B3GALNT2: variants seen among roughly 807,000 people sequenced by gnomAD.
B3GALNT2 encodes the protein beta-1,3-N-acetylgalactosaminyltransferase 2, also known as UDP-GalNAc:beta-1,3-N-acetylgalactosaminyltransferase 2.
Under a neutral mutation model 61.1 loss-of-function variants are expected in B3GALNT2, and 53 were observed. That is an observed-to-expected ratio of 0.87 (90% CI 0.70 to 1.09). The LOEUF is 1.09. Ranked by LOEUF, B3GALNT2 falls within the 50% of genes least tolerant of loss-of-function variation. The pLI is 0.00. For synonymous variants in B3GALNT2, 223 were observed against 237.4 expected, an observed-to-expected ratio of 0.94 and a Z score of 0.56; for missense variants, 544 against 623.0, an observed-to-expected ratio of 0.87 and a Z score of 1.35.
intron 1 of B3GALNT2, among the ~76,000 whole-genome samples, chr1:235,502,233 G>C (rs765666020): frequency 2.6e-5 from 4 of 152,152 alleles, no homozygotes; most frequent in Non-Finnish European, 4.4e-5. Context: ...GGCTGGTCTT[G>C]AACTCCTGAC....
At chr1:235,446,544 AAC>A (rs1682324019), downstream of B3GALNT2, among the ~76,000 whole-genome samples, 1 of 152,240 alleles carries the variant, frequency 6.6e-6, no homozygotes, top group Admixed American at 6.5e-5. Flanking sequence ...TCAAATTTTT[AAC>A]ACTGGTCATA....
chr1:235,488,796 G>C (rs986975247), intron 3 of B3GALNT2, among the ~76,000 whole-genome samples: 2 of 150,082 alleles, frequency 1.3e-5, no homozygotes, highest in Non-Finnish European at 3.0e-5. Context: ...GCTCATGCCT[G>C]CAATCCCAGT....
chr1:235,459,806 T>C (rs1683333193), intron 7 of B3GALNT2, among the ~76,000 whole-genome samples: 1 of 151,888 alleles, frequency 6.6e-6, no homozygotes, highest in Non-Finnish European at 1.5e-5. Context: ...TTTTTTTTCT[T>C]TTTTTGAGAC....
chr1:235,463,721 C>G (rs910785873), intron 7 of B3GALNT2: 1 of 151,996 alleles, frequency 6.6e-6, no homozygotes, highest in African/African-American at 2.4e-5. Context: ...CGCCCGACAC[C>G]ATGCCTGGCT....
intron 3 of B3GALNT2, among the ~76,000 whole-genome samples, chr1:235,486,069 C>A (rs897032827): frequency 4.1e-5 from 6 of 145,176 alleles, no homozygotes; most frequent in Non-Finnish European, 6.0e-5. Context: ...GCAGCCTGGG[C>A]AACAGAGCAA....
At chr1:235,489,327 T>C (rs892889369) in intron 2 of B3GALNT2, 59 bp from the exon 3 acceptor site, 2 of 1,601,210 alleles carry the variant, frequency 1.2e-6, no homozygotes, top group African/African-American at 2.7e-5. Context: ...CATGCACGTT[T>C]CCTCATGCCC....
chr1:235,448,991 A>ATTTAT lies in B3GALNT2; in HGVS notation c.*1210_*1214dup. The ATTTAT allele has an allele frequency of 2.2e-6, 1 of 454,238 alleles. No individual in the cohort carries two copies. The highest frequency in any genetic ancestry group is 2.1e-5 in the South Asian group (1 of 46,762). The allele number at this position is 454,238 out of a possible 1,614,324, so 28.1% of individuals were successfully genotyped here. Reference sequence around the variant, plus strand: ...TAATGATTTTCTGATCTTATTTCATATTTATTTTTACAGCTCATCACTGCA... The same window carrying ATTTAT: ...TAATGATTTTCTGATCTTATTTCATATTTATTTTATTTTTACAGCTCATCACTGCA... On this transcript the variant is annotated 3_prime_UTR_variant, in exon 12 of 12. Transcript: ENST00000366600.
intron 4 of B3GALNT2, 57 bp from the exon 5 acceptor site, chr1:235,480,206 CA>C: frequency 1.3e-6 from 2 of 1,593,482 alleles, no homozygotes; most frequent in East Asian, 2.2e-5. Flanking sequence ...ATTGCATATG[CA>C]AAAAGTTTTC....
intron 1 of B3GALNT2, among the ~76,000 whole-genome samples, chr1:235,500,968 C>G (rs1048613964): frequency 1.3e-5 from 2 of 152,188 alleles, no homozygotes; most frequent in Non-Finnish European, 2.9e-5. Flanking sequence ...TGCTCTACAT[C>G]TGTTTCCATT....
intron 4 of B3GALNT2, among the ~76,000 whole-genome samples, chr1:235,482,656 C>T (rs971992191): frequency 6.6e-6 from 1 of 151,872 alleles, no homozygotes; most frequent in African/African-American, 2.4e-5. Flanking sequence ...TCCAGAGTTC[C>T]TACAATGAAT....
At position 235,449,886 on chromosome 1, in the gene B3GALNT2, TATAGGTAATGGTGAATTACTAA is replaced by T; in HGVS notation, c.*298_*319del. On this transcript the variant is annotated 3_prime_UTR_variant, in exon 12 of 12. Coordinates refer to ENST00000366600, the MANE Select transcript of B3GALNT2 (RefSeq NM_152490.5). ...ACTAGGCCAAGTTTTAACCAAAAAC[TATAGGTAATGGTGAATTACTAA>T]TTAGCCACAATGCATCAGGATTTAG... 1 of 212,320 alleles carries T rather than the reference TATAGGTAATGGTGAATTACTAA, an allele frequency of 4.7e-6. No individual in the cohort carries two copies. Among genetic ancestry groups the T allele is most frequent in the Non-Finnish European group, 9.6e-6 (1 of 104,070 alleles). 13.2% of individuals were successfully genotyped at this position (212,320 alleles called of 1,614,324 possible).
chr1:235,442,826 A>G (rs370166627), downstream of B3GALNT2: 30 of 1,607,332 alleles, frequency 1.9e-5, no homozygotes, highest in African/African-American at 3.9e-4. Context: ...GATATCAATT[A>G]GTCTTTTTCT....
At chr1:235,440,397 TATATA>T in the B3GALNT2 span, among the ~76,000 whole-genome samples, 3 of 151,974 alleles carry the variant, frequency 2.0e-5, no homozygotes, top group Non-Finnish European at 4.4e-5. Flanking sequence ...TCCGTATATA[TATATA>T]TTTTTTTGAG....
chr1:235,488,692 C>CAAAA (rs11436508), intron 3 of B3GALNT2, among the ~76,000 whole-genome samples: 6 of 38,014 alleles, frequency 1.6e-4, no homozygotes, highest in Admixed American at 5.1e-4. Flanking sequence ...ACTCCATCTC[C>CAAAA]AAAAAAAAAA....
downstream of B3GALNT2, among the ~76,000 whole-genome samples, chr1:235,443,421 C>G (rs920612085): frequency 6.6e-6 from 1 of 152,054 alleles, no homozygotes; most frequent in Non-Finnish European, 1.5e-5. Context: ...AGGCTGGTCT[C>G]GAATTCCTGA....
At chr1:235,464,120 T>TA (rs1171577389) in intron 7 of B3GALNT2, 30 of 152,328 alleles carry the variant, frequency 2.0e-4, no homozygotes, top group Admixed American at 7.8e-4. Flanking sequence ...GTGCTAAAAC[T>TA]ATAAAACTCT....
intron 4 of B3GALNT2, among the ~76,000 whole-genome samples, chr1:235,482,842 C>A (rs1246427284): frequency 6.6e-6 from 1 of 151,930 alleles, no homozygotes; most frequent in East Asian, 1.9e-4. Context: ...AACAAAAAAA[C>A]CGAAACCCAA....
chr1:235,462,881 G>A (rs185999577), intron 7 of B3GALNT2, among the ~76,000 whole-genome samples: 2 of 152,248 alleles, frequency 1.3e-5, no homozygotes, highest in Admixed American at 6.5e-5. Flanking sequence ...TTGATCCAGC[G>A]ATCCCATTAG....
chr1:235,497,922 T>C (rs1006845920), intron 1 of B3GALNT2, among the ~76,000 whole-genome samples: 6 of 152,230 alleles, frequency 3.9e-5, no homozygotes, highest in Admixed American at 2.6e-4. Context: ...TCCACCTCTC[T>C]GCCACTCTCA....
Sources: allele counts gnomAD v4.1 joint callset (sites outside exome capture counted in the v4.1 genomes callset), GRCh38; gene constraint gnomAD v4.1.1; transcripts MANE v1.5; gene names NCBI Gene and HGNC (gene_info 2026-07-23, HGNC 2026-07-21).